The following ARHGAP39 variants were observed in gnomAD, a reference collection of about 807,000 sequenced individuals.
The protein encoded by ARHGAP39 is Rho GTPase activating protein 39.
A neutral mutation model predicts 106.9 loss-of-function variants in ARHGAP39; 44 were observed. The ratio of observed to expected loss-of-function variants is 0.41; its 90% confidence interval spans 0.32 to 0.53. ARHGAP39 has a LOEUF of 0.53. Ranked by LOEUF, ARHGAP39 falls within the 20% of genes least tolerant of loss-of-function variation. The pLI is 0.21. For missense variants in ARHGAP39, 1,496 were observed against 1,577.3 expected, an observed-to-expected ratio of 0.95 and a Z score of 0.87; for synonymous variants, 768 against 693.2, an observed-to-expected ratio of 1.11 and a Z score of -1.69.
rs1032524549 is a variant in ARHGAP39, at chr8:144,658,000, G to A, written c.-82+27686C>T. Among the ~76,000 whole-genome samples, 7 of 152,102 alleles carry A rather than the reference G, an allele frequency of 4.6e-5. No homozygotes were observed. The East Asian group carries it at 1.3e-3, about 29-fold the overall frequency. ...ACAAATTTTTTAATATGGCATAACA[G>A]CTATTTACATAGCATTAACACTGCA... On this transcript the variant is annotated intron_variant, in intron 1 of 11. Transcript: ENST00000377307.
At chr8:144,576,548 C>G (rs908248113) in intron 3 of ARHGAP39, among the ~76,000 whole-genome samples, 1 of 152,040 alleles carries the variant, frequency 6.6e-6, no homozygotes, top group Non-Finnish European at 1.5e-5. Flanking sequence ...AGAACAGCCC[C>G]GCAAGTGTGG....
At chr8:144,557,337 G>C (rs9771967) in intron 3 of ARHGAP39, among the ~76,000 whole-genome samples, 24 of 13,812 alleles carry the variant, frequency 1.7e-3, no homozygotes, top group East Asian at 4.0e-3. Context: ...AGAGGCAAAG[G>C]CTGAACCTTC....
At chr8:144,664,718 TCTTC>T (rs201260438) in intron 1 of ARHGAP39, among the ~76,000 whole-genome samples, 2,899 of 152,334 alleles carry the variant, frequency 0.019, 96 homozygotes, top group African/African-American at 0.067. Flanking sequence ...CACTTTTGCT[TCTTC>T]CTTATTTTTT....
intron 6 of ARHGAP39, among the ~76,000 whole-genome samples, chr8:144,544,555 G>A (rs1817327782): frequency 6.6e-6 from 1 of 152,214 alleles, no homozygotes; most frequent in Non-Finnish European, 1.5e-5. Flanking sequence ...CCCATGATGT[G>A]AGGTGGAGAG....
At chr8:144,673,867 A>C (rs558279826) in intron 1 of ARHGAP39, among the ~76,000 whole-genome samples, 4 of 152,386 alleles carry the variant, frequency 2.6e-5, no homozygotes, top group African/African-American at 9.6e-5. Context: ...CAGGCATGCC[A>C]GCTGCAGCGG....
chr8:144,609,648 G>A (rs1158447064), intron 1 of ARHGAP39, among the ~76,000 whole-genome samples: 4 of 151,936 alleles, frequency 2.6e-5, no homozygotes, highest in African/African-American at 7.2e-5. Flanking sequence ...ATGATCCACC[G>A]CCTCAGCCTC....
At chr8:144,569,906 A>G (rs1818525519) in intron 3 of ARHGAP39, among the ~76,000 whole-genome samples, 1 of 152,200 alleles carries the variant, frequency 6.6e-6, no homozygotes, top group Non-Finnish European at 1.5e-5. Context: ...GAAAATGAGG[A>G]CAGAGAGAGC....
At chr8:144,550,168 G>A (rs1414562380) in intron 4 of ARHGAP39, among the ~76,000 whole-genome samples, 1 of 152,198 alleles carries the variant, frequency 6.6e-6, no homozygotes, top group Non-Finnish European at 1.5e-5. Flanking sequence ...CAGCTACTCA[G>A]GAAGCTGGGG....
chr8:144,594,054 A>ACTCCAGCG (rs1000967786), intron 2 of ARHGAP39, among the ~76,000 whole-genome samples: 7 of 147,322 alleles, frequency 4.8e-5, no homozygotes, highest in Non-Finnish European at 1.0e-4. Flanking sequence ...ACAGCACTGC[A>ACTCCAGCG]CTCCAGCGTG....
rs139461861 is a variant in ARHGAP39 at position 144,531,242 on chromosome 8, C to A, written c.2981-371G>T. On this transcript the variant is annotated intron_variant, in intron 10 of 11. Coordinates refer to ENST00000377307, the MANE Select transcript of ARHGAP39 (RefSeq NM_025251.3). ...ACATAGCAGGCACGGCAGAAGGGCA[C>A]AGGGCAGCGAGCAGCAGGTGGGGAG... is the stretch of plus-strand genomic sequence containing the variant. 1.2e-3 allele frequency among the ~76,000 whole-genome samples: 14 copies of A among 12,168 alleles called. 1 individual carries two copies. Among genetic ancestry groups the A allele is most frequent in the Admixed American group, 7.2e-3 (14 of 1,934 alleles). 8.0% of individuals were successfully genotyped at this position (12,168 alleles called of 152,430 possible).
chr8:144,550,970 C>T (rs950677908), intron 4 of ARHGAP39, among the ~76,000 whole-genome samples: 4 of 152,230 alleles, frequency 2.6e-5, no homozygotes, highest in Non-Finnish European at 5.9e-5. Context: ...TCAGTTATGA[C>T]GAAGATTCAA....
At chr8:144,588,566 C>T (rs1446704918) in intron 2 of ARHGAP39, among the ~76,000 whole-genome samples, 3 of 152,198 alleles carry the variant, frequency 2.0e-5, no homozygotes, top group Non-Finnish European at 4.4e-5. Flanking sequence ...GTGCGGGAGG[C>T]GGGGCTCTCG....
At chr8:144,633,478 A>C (rs1821113408) in intron 1 of ARHGAP39, among the ~76,000 whole-genome samples, 1 of 152,220 alleles carries the variant, frequency 6.6e-6, no homozygotes, top group African/African-American at 2.4e-5. Context: ...AGAAAAAGAA[A>C]AGAAAAGAAA....
chr8:144,532,296 G>A lies in ARHGAP39; in HGVS notation c.2980+9C>T, dbSNP rs761333246. On this transcript the variant is annotated intron_variant, in intron 10 of 11. Transcript: ENST00000377307. ...GCCCGCTCTGCTGCAGCGTGTGTGG[G>A]GGACTCACCAGGGACGTGGGGGTCT... 3 of 1,612,104 alleles carry A rather than the reference G, an allele frequency of 1.9e-6. No homozygotes were observed. Among genetic ancestry groups the A allele is most frequent in the Admixed American group, 1.7e-5 (1 of 59,958 alleles).
rs760608723 is a variant in ARHGAP39 at position 144,532,309 on chromosome 8, G to A, written c.2976C>T (p.Val992=). The A allele has an allele frequency of 1.9e-6, 3 of 1,612,598 alleles. No individual in the cohort carries two copies. The highest frequency in any genetic ancestry group is 2.5e-6 in the Non-Finnish European group (3 of 1,179,726). ...KVPTGLEDPH[V]PASLLKLWYR... is the part of the protein sequence containing the mutation. ...CAGCGTGTGTGGGGGACTCACCAGGGACGTGGGGGTCTTCCAGGCCTGTGG... is the reference window on the plus strand; with the variant it reads ...CAGCGTGTGTGGGGGACTCACCAGGAACGTGGGGGTCTTCCAGGCCTGTGG... Residue 992 remains valine (V), a synonymous_variant, in exon 10 of 12, where the codon GTC becomes GTT. Transcript: ENST00000377307.
chr8:144,532,175 C>G, intron 10 of ARHGAP39, 130 bp downstream of exon 10: 1 of 771,032 alleles, frequency 1.3e-6, no homozygotes, highest in Non-Finnish European at 2.1e-6. Context: ...GGAGGATGTG[C>G]TAGAAGTGAC....
chr8:144,681,022 A>T (rs780184948), intron 1 of ARHGAP39, among the ~76,000 whole-genome samples: 8 of 152,206 alleles, frequency 5.3e-5, no homozygotes, highest in Non-Finnish European at 7.3e-5. Context: ...AGGTGTCTTG[A>T]TACCAAACAC....
At chr8:144,686,823 G>C, upstream of ARHGAP39, among the ~76,000 whole-genome samples, 1 of 152,012 alleles carries the variant, frequency 6.6e-6, no homozygotes, top group East Asian at 1.9e-4. Context: ...TCTCCTCCAT[G>C]ACTGCTGAAG....
At chr8:144,611,103 G>A (rs1586613237) in intron 1 of ARHGAP39, among the ~76,000 whole-genome samples, 1 of 152,250 alleles carries the variant, frequency 6.6e-6, no homozygotes, top group Non-Finnish European at 1.5e-5. Context: ...ACAGGCGTGA[G>A]CCATCACGCC....
Sources: gnomAD v4.1 joint callset for allele counts (sites outside exome capture counted in the v4.1 genomes callset) on GRCh38, gnomAD v4.1.1 for gene constraint, MANE v1.5 for transcripts, NCBI Gene and HGNC (gene_info 2026-07-23, HGNC 2026-07-21) for gene names.